COL14A1: variants seen among roughly 807,000 people sequenced by gnomAD.
COL14A1 encodes the protein collagen type XIV alpha 1 chain, also known as collagen alpha-1(XIV) chain.
Under a neutral mutation model 230.3 loss-of-function variants are expected in COL14A1, and 136 were observed. The observed-to-expected ratio is 0.59, with a 90% CI of 0.51 to 0.68. The LOEUF (loss-of-function observed/expected upper bound fraction) is 0.68. Ranked by LOEUF, COL14A1 falls within the 30% of genes least tolerant of loss-of-function variation. The pLI is 0.00. For synonymous variants in COL14A1, 792 were observed against 784.1 expected (o/e 1.01, Z -0.17); for missense variants, 1,976 against 2,215.8 (o/e 0.89, Z 2.17).
intron 14 of COL14A1, among the ~76,000 whole-genome samples, chr8:120,219,202 G>C (rs1298489219): frequency 6.6e-6 from 1 of 151,860 alleles, no homozygotes; most frequent in Non-Finnish European, 1.5e-5. Context: ...CTGCATCCTC[G>C]ACCTTGCAGG....
At chr8:120,210,736 G>A (rs1817592809) in intron 12 of COL14A1, among the ~76,000 whole-genome samples, 1 of 152,118 alleles carries the variant, frequency 6.6e-6, no homozygotes, top group African/African-American at 2.4e-5. Context: ...AAGCAATTCA[G>A]AGAACTTGAT....
intron 24 of COL14A1, among the ~76,000 whole-genome samples, chr8:120,265,580 T>A (rs1201501749): frequency 6.6e-6 from 1 of 151,690 alleles, no homozygotes; most frequent in Non-Finnish European, 1.5e-5. Context: ...CACACACACA[T>A]ATATATACAT....
chr8:120,240,814 T>G (rs959537), intron 19 of COL14A1, among the ~76,000 whole-genome samples: 3,896 of 152,284 alleles, frequency 0.026, 72 homozygotes, highest in Non-Finnish European at 0.032. Context: ...TAGATATAAT[T>G]ACATCTATCA....
At chr8:120,154,634 T>C (rs1815401413) in intron 2 of COL14A1, among the ~76,000 whole-genome samples, 1 of 152,194 alleles carries the variant, frequency 6.6e-6, no homozygotes, top group African/African-American at 2.4e-5. Context: ...GATGAGTCTG[T>C]TGGTTTCCTC....
At position 120,366,185 on chromosome 8, in the gene COL14A1, A is replaced by G. The variant is rs949374678; in HGVS notation, c.5078-986A>G. 2.0e-5 allele frequency among the ~76,000 whole-genome samples: 3 copies of G among 152,232 alleles called. No homozygotes were observed. The South Asian group carries it at 6.2e-4, about 31-fold the overall frequency. On this transcript the variant is annotated intron_variant, in intron 45 of 47. Transcript: ENST00000297848. Reference sequence around the variant, plus strand: ...GTTACATCTAATTTGTTGACAGTGAATATGCATTATATTTAAAGTAAACAA... The same window carrying G: ...GTTACATCTAATTTGTTGACAGTGAGTATGCATTATATTTAAAGTAAACAA...
At chr8:120,180,719 T>G in intron 5 of COL14A1, among the ~76,000 whole-genome samples, 1 of 147,512 alleles carries the variant, frequency 6.8e-6, no homozygotes, top group South Asian at 2.2e-4. Context: ...TTTTTTTTTT[T>G]TTTTTTGAGA....
rs571984360 is a variant in COL14A1 at position 120,240,531 on chromosome 8, G to A, written c.2350-3348G>A. Among the ~76,000 whole-genome samples the A allele has an allele frequency of 1.8e-4, 28 of 152,238 alleles. No individual in the cohort carries two copies. In the South Asian group the frequency reaches 1.9e-3, roughly 10 times the overall value. On this transcript the variant is annotated intron_variant, in intron 19 of 47. Coordinates refer to ENST00000297848, the MANE Select transcript of COL14A1 (RefSeq NM_021110.4). ...ACATCTTAAAATAATAATGTATGGCGCAGAAAGACAGATGGCTAAGACATA... is the reference window on the plus strand; with the variant it reads ...ACATCTTAAAATAATAATGTATGGCACAGAAAGACAGATGGCTAAGACATA...
intron 21 of COL14A1, among the ~76,000 whole-genome samples, chr8:120,248,772 C>G (rs1011599058): frequency 1.3e-5 from 2 of 152,110 alleles, no homozygotes; most frequent in Admixed American, 1.3e-4. Context: ...GGAAAATTGC[C>G]TGAGCCAGAT....
intron 4 of COL14A1, among the ~76,000 whole-genome samples, chr8:120,164,160 G>A (rs1343820457): frequency 6.6e-6 from 1 of 152,160 alleles, no homozygotes; most frequent in Non-Finnish European, 1.5e-5. Context: ...ATAGTATAAT[G>A]AACCCCTAAG....
intron 25 of COL14A1, among the ~76,000 whole-genome samples, chr8:120,269,302 T>G (rs1819588468): frequency 6.6e-6 from 1 of 151,820 alleles, no homozygotes; most frequent in South Asian, 2.1e-4. Flanking sequence ...AAAGAACTTT[T>G]AAAAAATGTT....
At chr8:120,236,912 AAATTCTTTTCTTT>A (rs955200202) in intron 19 of COL14A1, among the ~76,000 whole-genome samples, 10 of 152,182 alleles carry the variant, frequency 6.6e-5, no homozygotes, top group Admixed American at 2.0e-4. Flanking sequence ...TCTGGGTTGA[AAATTCTTTTCTTT>A]AAGAATGTTG....
chr8:120,342,338 G>A, intron 43 of COL14A1, 42 bp from the exon 44 acceptor site: 1 of 1,593,088 alleles, frequency 6.3e-7, no homozygotes, highest in Non-Finnish European at 8.6e-7. Context: ...AGTGTGGCTG[G>A]GCTTGTAGCT....
intron 44 of COL14A1, among the ~76,000 whole-genome samples, chr8:120,343,859 G>C (rs1316845303): frequency 6.6e-6 from 1 of 152,114 alleles, no homozygotes; most frequent in Admixed American, 6.5e-5. Flanking sequence ...ATGTAAATGA[G>C]CAGATCATTA....
Position 120,335,590 on chromosome 8 carries a change from A to G in COL14A1, c.4785+2855A>G, listed in dbSNP as rs550745204. On this transcript the variant is annotated intron_variant, in intron 42 of 47. Transcript: ENST00000297848. ...GTGTTAAGGCCTGGATTGATTTCCC[A>G]TGGATGTCTGTCTAGGAAGGCATGA... Among the ~76,000 whole-genome samples, 3 of 152,128 alleles carry G rather than the reference A, an allele frequency of 2.0e-5. No homozygotes were observed. The South Asian group carries it at 6.2e-4, about 32-fold the overall frequency.
chr8:120,324,928 TA>T (rs1444913847), intron 40 of COL14A1, among the ~76,000 whole-genome samples: 1 of 152,104 alleles, frequency 6.6e-6, no homozygotes, highest in Non-Finnish European at 1.5e-5. Flanking sequence ...CTAGAAACTA[TA>T]AACTTTTAAA....
intron 33 of COL14A1, 42 bp from the exon 34 acceptor site, chr8:120,289,566 C>T: frequency 2.6e-6 from 4 of 1,567,340 alleles, no homozygotes; most frequent in Non-Finnish European, 3.5e-6. Flanking sequence ...GTTGATATTT[C>T]CTTCTGTTTC....
Position 120,158,470 on chromosome 8 carries a change from C to A in COL14A1, c.205+224C>A, listed in dbSNP as rs182687723. Among the ~76,000 whole-genome samples, 390 of 152,254 alleles carry A rather than the reference C, an allele frequency of 2.6e-3. 2 individuals carry two copies. Among genetic ancestry groups the A allele is most frequent in the African/African-American group, 8.0e-3 (333 of 41,562 alleles). Reference sequence around the variant, plus strand: ...TTTTTAGACCAAATAATCAGACAATCAACAAGTTTTATTTTCTCTGTTTAG... The same window carrying A: ...TTTTTAGACCAAATAATCAGACAATAAACAAGTTTTATTTTCTCTGTTTAG... On this transcript the variant is annotated intron_variant, in intron 3 of 47. Coordinates refer to ENST00000297848, the MANE Select transcript of COL14A1 (RefSeq NM_021110.4).
Position 120,168,330 on chromosome 8 carries a change from T to C in COL14A1, c.436+83T>C. On this transcript the variant is annotated intron_variant, in intron 5 of 47. Coordinates refer to ENST00000297848, the MANE Select transcript of COL14A1 (RefSeq NM_021110.4). ...CAATACTCACATGTGGGGTTGCTGGTCCCATCTAAGAAGGGCAGGTCTAAT... is the reference window on the plus strand; with the variant it reads ...CAATACTCACATGTGGGGTTGCTGGCCCCATCTAAGAAGGGCAGGTCTAAT... The C allele has an allele frequency of 5.1e-6, 5 of 986,960 alleles. No individual in the cohort carries two copies. The South Asian group carries it at 7.4e-5, about 15-fold the overall frequency. The allele number at this position is 986,960 out of a possible 1,614,324, so 61.1% of individuals were successfully genotyped here.
intron 19 of COL14A1, among the ~76,000 whole-genome samples, chr8:120,243,486 C>A (rs1474747787): frequency 6.6e-6 from 1 of 152,118 alleles, no homozygotes; most frequent in Admixed American, 6.6e-5. Flanking sequence ...GCTGACTTTG[C>A]AAGAGGATAC....
Sources: allele counts gnomAD v4.1 joint callset (sites outside exome capture counted in the v4.1 genomes callset), GRCh38; gene constraint gnomAD v4.1.1; transcripts MANE v1.5; gene names NCBI Gene and HGNC (gene_info 2026-07-23, HGNC 2026-07-21).